Variants in DNAH5 observed in about 807,000 individuals in gnomAD.
The protein encoded by DNAH5 is dynein axonemal heavy chain 5, also known as axonemal beta dynein heavy chain 5.
A neutral mutation model predicts 518.2 loss-of-function variants in DNAH5; 372 were observed. The observed-to-expected ratio is 0.72, with a 90% CI of 0.66 to 0.78. The LOEUF (loss-of-function observed/expected upper bound fraction) is 0.78. DNAH5 is among the 30% of genes least tolerant of loss of function. The pLI, the probability that DNAH5 is intolerant of heterozygous loss-of-function variation, is 0.00. For synonymous variants in DNAH5, 2,039 were observed against 2,025.9 expected, an observed-to-expected ratio of 1.01 and a Z score of -0.17; for missense variants, 5,523 against 5,687.0, an observed-to-expected ratio of 0.97 and a Z score of 0.93.
At chr5:13,698,470 T>A (rs73046201) in intron 78 of DNAH5, among the ~76,000 whole-genome samples, 2,509 of 152,328 alleles carry the variant, frequency 0.016, 76 homozygotes, top group African/African-American at 0.056. Context: ...GGTCACAACA[T>A]TTCCATCAAG....
Position 14,000,635 on chromosome 5 carries a change from C to CAA in DNAH5, c.12+11011_12+11012dup, listed in dbSNP as rs111658670. Among the ~76,000 whole-genome samples the CAA allele has an allele frequency of 2.1e-3, 264 of 126,218 alleles. 5 individuals are homozygous for CAA. The highest frequency in any genetic ancestry group is 4.1e-3 in the Admixed American group (52 of 12,542). The allele number at this position is 126,218 out of a possible 152,430, so 82.8% of individuals were successfully genotyped here. ...ATCAGAATGGCTTTTGTTAAAAAGC[C>CAA]AAAAAAAAAAAATGGATGCTGGCAA... On this transcript the variant is annotated intron_variant, in intron 1 of 78. Transcript: ENST00000681290.
At chr5:13,913,982 C>T (rs749239631) in intron 10 of DNAH5, 24 bp from the exon 11 acceptor site, 2 of 1,608,784 alleles carry the variant, frequency 1.2e-6, no homozygotes. Flanking sequence ...GAAAAATATA[C>T]AACAAAGGGA....
chr5:13,825,897 A>T (rs1223403166), intron 38 of DNAH5, among the ~76,000 whole-genome samples: 1 of 152,238 alleles, frequency 6.6e-6, no homozygotes. Flanking sequence ...ATAGGAAAAA[A>T]CTACAGTCTT....
Position 13,841,103 on chromosome 5 carries a change from A to T in DNAH5, c.5512T>A (p.Trp1838Arg). 1 of 1,614,064 alleles carries T rather than the reference A, an allele frequency of 6.2e-7. No individual in the cohort carries two copies. Among genetic ancestry groups the T allele is most frequent in the Non-Finnish European group, 8.5e-7 (1 of 1,179,968 alleles). The stretch of plus-strand genomic sequence containing the variant: ...AGGGCTTCTTCTGAATCCCGTGTCC[A>T]TATCATCTGAATTCCTAATAATCCA... Reference protein sequence around the residue: ...QVGLLGIQMIWTRDSEEALRN... With the variant: ...QVGLLGIQMIRTRDSEEALRN... The change falls in exon 34 of 79, where the codon TGG becomes AGG. Residue 1838 changes from tryptophan (W) to arginine (R), a missense_variant. By Grantham distance (101) the Trp-to-Arg change is moderately radical. Coordinates refer to ENST00000265104, the MANE Select transcript of DNAH5 (RefSeq NM_001369.3).
intron 57 of DNAH5, 60 bp downstream of exon 57, chr5:13,769,441 T>C (rs901483496): frequency 3.7e-6 from 5 of 1,348,514 alleles, no homozygotes; most frequent in Non-Finnish European, 5.3e-6. Flanking sequence ...GCATAGATCA[T>C]TAACACTTGT....
At chr5:13,771,514 A>G (rs1277774297) in intron 55 of DNAH5, among the ~76,000 whole-genome samples, 2 of 152,176 alleles carry the variant, frequency 1.3e-5, no homozygotes, top group East Asian at 1.9e-4. Context: ...TCTTATTTAC[A>G]GTATTCTTTT....
chr5:13,706,032 G>A (rs1292637289), intron 76 of DNAH5, among the ~76,000 whole-genome samples: 1 of 152,180 alleles, frequency 6.6e-6, no homozygotes, highest in Non-Finnish European at 1.5e-5. Context: ...AAGCCACCCA[G>A]TCGGTGGTAC....
At chr5:13,873,741 T>C (rs776472403) in intron 22 of DNAH5, among the ~76,000 whole-genome samples, 1 of 152,170 alleles carries the variant, frequency 6.6e-6, no homozygotes, top group South Asian at 2.1e-4. Context: ...CTTCAAGTGA[T>C]CCTCTCATCT....
Position 13,894,774 on chromosome 5 carries a change from G to A in DNAH5, c.2307C>T (p.Ala769=), listed in dbSNP as rs773547505. 2.9e-5 allele frequency: 47 copies of A among 1,613,974 alleles called. No homozygotes were observed. In the Admixed American group the frequency reaches 4.8e-4, roughly 17 times the overall value. The change falls in exon 16 of 79, where the codon GCC becomes GCT. Residue 769 remains alanine, a synonymous_variant. Transcript: ENST00000265104. Reference sequence around the variant, plus strand: ...AGTGAGGGACAATCAATTGCTCAATGGCAGCAGGTATTTTTGACTTCACTC... The same window carrying A: ...AGTGAGGGACAATCAATTGCTCAATAGCAGCAGGTATTTTTGACTTCACTC... ...YQRVKSKIPA[A]IEQLIVPHLA...
At chr5:13,994,583 T>C (rs1291830156) in intron 1 of DNAH5, among the ~76,000 whole-genome samples, 1 of 152,194 alleles carries the variant, frequency 6.6e-6, no homozygotes, top group Non-Finnish European at 1.5e-5. Flanking sequence ...AAGCCTGACC[T>C]GACACAGAAA....
At chr5:13,875,167 GC>G (rs1185035589) in intron 22 of DNAH5, among the ~76,000 whole-genome samples, 2 of 152,250 alleles carry the variant, frequency 1.3e-5, no homozygotes, top group East Asian at 3.9e-4. Flanking sequence ...AAAAGCAAAT[GC>G]AATAAAAGTG....
At chr5:13,758,305 C>T (rs1403429202) in intron 61 of DNAH5, among the ~76,000 whole-genome samples, 1 of 152,048 alleles carries the variant, frequency 6.6e-6, no homozygotes, top group Non-Finnish European at 1.5e-5. Flanking sequence ...GAGTTCGAGA[C>T]CAGCCTGGGC....
intron 68 of DNAH5, among the ~76,000 whole-genome samples, chr5:13,732,760 C>G (rs1241438052): frequency 6.6e-6 from 1 of 152,116 alleles, no homozygotes; most frequent in African/African-American, 2.4e-5. Context: ...CATGCCATAA[C>G]CTTGGGGTTT....
At chr5:13,718,589 C>A (rs2126515857) in intron 72 of DNAH5, among the ~76,000 whole-genome samples, 1 of 152,212 alleles carries the variant, frequency 6.6e-6, no homozygotes, top group Admixed American at 6.5e-5. Context: ...AGCATAAAGA[C>A]CATAAATGAC....
At chr5:13,814,544 A>C in intron 43 of DNAH5, 61 bp downstream of exon 43, 2 of 1,577,368 alleles carry the variant, frequency 1.3e-6, no homozygotes, top group Admixed American at 1.7e-5. Context: ...CACACACACT[A>C]AAAGAATGCT....
chr5:13,832,140 A>C (rs1049090465), intron 35 of DNAH5, among the ~76,000 whole-genome samples: 8 of 151,580 alleles, frequency 5.3e-5, no homozygotes, highest in Admixed American at 5.2e-4. Context: ...CCTGAACTTA[A>C]AAATTAAAAA....
At chr5:13,866,840 T>TATA (rs1769328989) in intron 25 of DNAH5, among the ~76,000 whole-genome samples, 1 of 152,232 alleles carries the variant, frequency 6.6e-6, no homozygotes, top group Non-Finnish European at 1.5e-5. Context: ...AAACTCTATA[T>TATA]ATTTCCCTTC....
At chr5:13,998,584 G>A (rs1206635525) in intron 1 of DNAH5, among the ~76,000 whole-genome samples, 1 of 152,178 alleles carries the variant, frequency 6.6e-6, no homozygotes, top group Non-Finnish European at 1.5e-5. Flanking sequence ...TCTGAGTTGG[G>A]AAAGTGAATA....
At chr5:13,793,163 T>C (rs1757262209) in intron 49 of DNAH5, among the ~76,000 whole-genome samples, 1 of 152,178 alleles carries the variant, frequency 6.6e-6, no homozygotes, top group Non-Finnish European at 1.5e-5. Context: ...ACTTTCGACA[T>C]GGAACATAGC....
Sources: allele counts gnomAD v4.1 joint callset (sites outside exome capture counted in the v4.1 genomes callset), GRCh38; gene constraint gnomAD v4.1.1; transcripts MANE v1.5; gene names NCBI Gene and HGNC (gene_info 2026-07-23, HGNC 2026-07-21).